CLYBL: variants seen among roughly 807,000 people sequenced by gnomAD.
The protein encoded by CLYBL is citramalyl-CoA lyase, mitochondrial.
CLYBL carries 31 observed loss-of-function variants against 38.9 expected under a neutral mutation model. The observed-to-expected ratio is 0.80, with a 90% CI of 0.60 to 1.08. The LOEUF is 1.08. CLYBL is among the 50% of genes least tolerant of loss of function. The pLI is 0.00. For missense variants in CLYBL, 434 were observed against 411.6 expected, an observed-to-expected ratio of 1.05 and a Z score of -0.47; for synonymous variants, 171 against 158.6, an observed-to-expected ratio of 1.08 and a Z score of -0.59.
intron 1 of CLYBL, among the ~76,000 whole-genome samples, chr13:99,766,556 A>G (rs376106798): frequency 1.3e-5 from 2 of 152,300 alleles, no homozygotes; most frequent in African/African-American, 4.8e-5. Context: ...TGGGGAGATC[A>G]TGATTCCCTG....
chr13:99,750,510 C>T (rs1046652866), intron 1 of CLYBL, among the ~76,000 whole-genome samples: 1 of 151,770 alleles, frequency 6.6e-6, no homozygotes, highest in Admixed American at 6.6e-5. Context: ...CCCGTCTCTA[C>T]CAAAAATTAA....
intron 2 of CLYBL, among the ~76,000 whole-genome samples, chr13:99,810,773 G>A (rs2050325390): frequency 6.6e-6 from 1 of 152,050 alleles, no homozygotes; most frequent in Non-Finnish European, 1.5e-5. Flanking sequence ...AAGAGTGGAG[G>A]GTGATGAGGA....
chr13:99,724,503 G>A (rs2048439954), intron 1 of CLYBL, among the ~76,000 whole-genome samples: 1 of 151,284 alleles, frequency 6.6e-6, no homozygotes. Context: ...AGCCCCCAGA[G>A]CAATTAATGG....
At chr13:99,895,271 C>A (rs1594253188), downstream of CLYBL, 1 of 104,464 alleles carries the variant, frequency 9.6e-6, no homozygotes, top group Non-Finnish European at 2.3e-5. Flanking sequence ...GAAGGACCTT[C>A]CGCTTTTATG....
At chr13:99,903,378 A>G (rs2152138428) in intron 8 of CLYBL, among the ~76,000 whole-genome samples, 1 of 151,648 alleles carries the variant, frequency 6.6e-6, no homozygotes, top group East Asian at 1.9e-4. Context: ...TGGCACACAC[A>G]CACGCACGCA....
At chr13:99,637,498 C>A (rs1386920796) in intron 1 of CLYBL, among the ~76,000 whole-genome samples, 1 of 152,186 alleles carries the variant, frequency 6.6e-6, no homozygotes, top group South Asian at 2.1e-4. Flanking sequence ...CGGTGGCTCA[C>A]GCCTGTAATC....
chr13:99,674,007 G>A (rs555597195), intron 1 of CLYBL, among the ~76,000 whole-genome samples: 2 of 152,054 alleles, frequency 1.3e-5, no homozygotes, highest in Non-Finnish European at 2.9e-5. Flanking sequence ...GAGGGAAAGA[G>A]TGGCTTTCAA....
chr13:99,661,099 C>T (rs1320097463), intron 1 of CLYBL, among the ~76,000 whole-genome samples: 1 of 152,114 alleles, frequency 6.6e-6, no homozygotes, highest in East Asian at 1.9e-4. Flanking sequence ...AACACATTTA[C>T]ACCGAAAAAT....
intron 1 of CLYBL, among the ~76,000 whole-genome samples, chr13:99,625,094 A>T (rs1320558039): frequency 6.6e-6 from 1 of 152,176 alleles, no homozygotes; most frequent in Non-Finnish European, 1.5e-5. Flanking sequence ...TGCCTTCTCC[A>T]TCGGAGCTGG....
At chr13:99,678,678 G>T (rs1421685665) in intron 1 of CLYBL, among the ~76,000 whole-genome samples, 1 of 152,168 alleles carries the variant, frequency 6.6e-6, no homozygotes, top group Non-Finnish European at 1.5e-5. Context: ...CAACCAAACT[G>T]AAATCAGGAA....
chr13:99,692,286 G>T (rs9554627), intron 1 of CLYBL, among the ~76,000 whole-genome samples: 1,273 of 115,826 alleles, frequency 0.011, 10 homozygotes, highest in Non-Finnish European at 0.011. Flanking sequence ...TGTTTTTTTT[G>T]TTTTTTTTTT....
At chr13:99,676,515 C>T (rs2047654414) in intron 1 of CLYBL, among the ~76,000 whole-genome samples, 1 of 152,010 alleles carries the variant, frequency 6.6e-6, no homozygotes. Flanking sequence ...CCAGGCTGGT[C>T]TCAAACTCCT....
chr13:99,646,165 A>G (rs927116445), intron 1 of CLYBL, among the ~76,000 whole-genome samples: 5 of 152,154 alleles, frequency 3.3e-5, no homozygotes, highest in Admixed American at 6.5e-5. Context: ...GAAGCAACTT[A>G]TTGGTGAATT....
At chr13:99,703,729 A>G (rs1594128820) in intron 1 of CLYBL, among the ~76,000 whole-genome samples, 1 of 152,106 alleles carries the variant, frequency 6.6e-6, no homozygotes, top group East Asian at 1.9e-4. Context: ...AAGATTATCT[A>G]TATTTTTTCC....
chr13:99,729,404 G>A (rs1198524143), intron 1 of CLYBL, among the ~76,000 whole-genome samples: 1 of 152,164 alleles, frequency 6.6e-6, no homozygotes, highest in African/African-American at 2.4e-5. Context: ...AAGACATAGG[G>A]AATGGTGGTT....
intron 1 of CLYBL, among the ~76,000 whole-genome samples, chr13:99,643,605 C>T (rs2047128050): frequency 1.3e-5 from 2 of 152,206 alleles, no homozygotes; most frequent in Admixed American, 1.3e-4. Context: ...ACTTACTATT[C>T]TGTGCGCCTC....
At chr13:99,828,271 A>G (rs969657219) in intron 2 of CLYBL, among the ~76,000 whole-genome samples, 1 of 152,196 alleles carries the variant, frequency 6.6e-6, no homozygotes, top group African/African-American at 2.4e-5. Context: ...TCAATTAGCA[A>G]TTGTTCCCAT....
At chr13:99,758,660 C>T (rs527330073) in intron 1 of CLYBL, among the ~76,000 whole-genome samples, 2 of 152,318 alleles carry the variant, frequency 1.3e-5, no homozygotes, top group Admixed American at 1.3e-4. Flanking sequence ...CGGTGACTGC[C>T]GTGACTGGGC....
chr13:99,683,177 G>C (rs774410115), intron 1 of CLYBL, among the ~76,000 whole-genome samples: 9 of 152,128 alleles, frequency 5.9e-5, no homozygotes, highest in African/African-American at 2.2e-4. Flanking sequence ...TGCCTCCCAC[G>C]TTCAAGCAAT....
Sources: allele counts gnomAD v4.1 joint callset (sites outside exome capture counted in the v4.1 genomes callset), GRCh38; gene constraint gnomAD v4.1.1; transcripts MANE v1.5; gene names NCBI Gene and HGNC (gene_info 2026-07-23, HGNC 2026-07-21).